The following NRXN1 variants were observed in gnomAD, a reference collection of about 807,000 sequenced individuals.
NRXN1 encodes the protein neurexin 1, also known as neurexin-1.
In NRXN1, 39 loss-of-function variants were observed where a neutral mutation model predicts 150.9. The ratio of observed to expected loss-of-function variants is 0.26; its 90% CI spans 0.20 to 0.34. The LOEUF (loss-of-function observed/expected upper bound fraction) is 0.34, where lower values mean the gene tolerates loss of function less well. Among genes scored for constraint, NRXN1 ranks in the 10% least tolerant of loss-of-function variants. NRXN1 has a pLI of 1.00. For synonymous variants in NRXN1, 924 were observed against 757.0 expected, an observed-to-expected ratio of 1.22 and a Z score of -3.62; for missense variants, 1,815 against 1,949.9, an observed-to-expected ratio of 0.93 and a Z score of 1.30.
chr2:50,176,984 G>A (rs1179786641), intron 18 of NRXN1, among the ~76,000 whole-genome samples: 2 of 151,966 alleles, frequency 1.3e-5, no homozygotes, highest in African/African-American at 2.4e-5. Context: ...AGAAACAGTG[G>A]GAAAAAAGAG....
At chr2:49,963,553 C>T (rs1180437980) in intron 21 of NRXN1, among the ~76,000 whole-genome samples, 1 of 152,112 alleles carries the variant, frequency 6.6e-6, no homozygotes, top group Non-Finnish European at 1.5e-5. Context: ...GAATGAATCA[C>T]GCAATGAGAT....
chr2:50,306,434 T>G (rs2074616029), intron 17 of NRXN1, among the ~76,000 whole-genome samples: 1 of 152,228 alleles, frequency 6.6e-6, no homozygotes, highest in Non-Finnish European at 1.5e-5. Context: ...TGTCTTTAAC[T>G]TAGCAAACAC....
intron 5 of NRXN1, among the ~76,000 whole-genome samples, chr2:50,757,489 G>T (rs1010464666): frequency 6.6e-5 from 10 of 151,778 alleles, no homozygotes; most frequent in African/African-American, 2.4e-4. Context: ...ATACTCATAT[G>T]AAAATATCCC....
chr2:50,674,047 T>C (rs1689209021), intron 5 of NRXN1, among the ~76,000 whole-genome samples: 2 of 152,010 alleles, frequency 1.3e-5, no homozygotes, highest in Non-Finnish European at 1.5e-5. Context: ...TGTATACCTA[T>C]GTAACAAACC....
intron 21 of NRXN1, among the ~76,000 whole-genome samples, chr2:50,049,725 G>A (rs1046436932): frequency 1.3e-5 from 2 of 152,058 alleles, no homozygotes; most frequent in African/African-American, 4.8e-5. Flanking sequence ...TCCTCTTCAT[G>A]TTGGCTTACA....
At chr2:49,935,781 A>G (rs888053103) in intron 22 of NRXN1, among the ~76,000 whole-genome samples, 3 of 152,220 alleles carry the variant, frequency 2.0e-5, no homozygotes, top group Admixed American at 6.5e-5. Context: ...TTTCATTATC[A>G]AAACAGGTAT....
chr2:50,826,073 A>G (rs1318388217), intron 5 of NRXN1, among the ~76,000 whole-genome samples: 1 of 152,198 alleles, frequency 6.6e-6, no homozygotes, highest in Non-Finnish European at 1.5e-5. Flanking sequence ...AAGAAAAACA[A>G]TATAGTTTCA....
intron 5 of NRXN1, chr2:50,633,053 A>C (rs966464693): frequency 6.6e-6 from 1 of 152,134 alleles, no homozygotes; most frequent in Non-Finnish European, 1.5e-5. Flanking sequence ...ATATTCTAAC[A>C]AGTCATCATT....
intron 18 of NRXN1, among the ~76,000 whole-genome samples, chr2:50,118,094 G>A (rs1703318666): frequency 6.6e-6 from 1 of 152,130 alleles, no homozygotes; most frequent in South Asian, 2.1e-4. Context: ...GTGTTTAGGA[G>A]AAAATACAAA....
At chr2:50,120,547 G>A (rs146607003) in intron 18 of NRXN1, among the ~76,000 whole-genome samples, 4 of 152,140 alleles carry the variant, frequency 2.6e-5, no homozygotes, top group African/African-American at 4.8e-5. Flanking sequence ...CAATGGAGAC[G>A]CATCTATCTA....
intron 18 of NRXN1, among the ~76,000 whole-genome samples, chr2:50,204,133 A>T (rs577618798): frequency 7.9e-5 from 12 of 152,256 alleles, no homozygotes; most frequent in African/African-American, 2.9e-4. Context: ...GTGAATAAGG[A>T]TCACAATAAC....
rs1692628262 is a variant in NRXN1 at position 50,695,123 on chromosome 2, C to T, written c.833-71508G>A. ...CACTGCTTAAGGGTGGCTTTGATTT[C>T]ACCAGTGCAGTAGGGAGACTATTTA... On this transcript the variant is annotated intron_variant, in intron 5 of 22. Transcript: ENST00000401669. 1.3e-5 allele frequency among the ~76,000 whole-genome samples: 2 copies of T among 151,194 alleles called. 1 individual carries two copies. Among genetic ancestry groups the T allele is most frequent in the South Asian group, 4.2e-4 (2 of 4,798 alleles).
intron 19 of NRXN1, among the ~76,000 whole-genome samples, chr2:50,072,567 T>A (rs1696450473): frequency 6.9e-6 from 1 of 144,084 alleles, no homozygotes; most frequent in Admixed American, 7.0e-5. Context: ...TGAGAGATTA[T>A]AATTAGTTTT....
intron 17 of NRXN1, among the ~76,000 whole-genome samples, chr2:50,428,500 G>T (rs1195078198): frequency 6.6e-6 from 1 of 152,180 alleles, no homozygotes; most frequent in African/African-American, 2.4e-5. Context: ...TTTAATTTAA[G>T]AACTTTTGTA....
chr2:50,828,776 C>T (rs1670924563), intron 5 of NRXN1, among the ~76,000 whole-genome samples: 3 of 150,928 alleles, frequency 2.0e-5, no homozygotes, highest in Admixed American at 2.0e-4. Flanking sequence ...CTCCTCATGT[C>T]CCAGACGATA....
intron 19 of NRXN1, among the ~76,000 whole-genome samples, chr2:50,078,763 CTTTCT>C (rs1697471029): frequency 6.6e-6 from 1 of 152,002 alleles, no homozygotes; most frequent in Non-Finnish European, 1.5e-5. Flanking sequence ...AGTGAAGAGC[CTTTCT>C]TAGCATGAAG....
In NRXN1 at chr2:50,620,918, G is replaced by GC. The variant is rs67879868; in HGVS notation, c.1158+307dup. On this transcript the variant is annotated intron_variant, in intron 7 of 22. Coordinates refer to ENST00000401669, the MANE Select transcript of NRXN1 (RefSeq NM_001330078.2). ...TCATGAATGGTTAGAGACTGGCTGA[G>GC]CTGCGGTCACTCGGGCCAGCCACCA... 1 allele frequency: 331,841 copies of GC among 331,846 alleles called. 165,918 individuals carry two copies. Among genetic ancestry groups the GC allele is most frequent in the Middle Eastern group, 1 (1,232 of 1,232 alleles). 20.6% of individuals were successfully genotyped at this position (331,846 alleles called of 1,614,324 possible).
rs1284740484 is a variant in NRXN1, at chr2:50,828,263, G to A, written c.832+93606C>T. On this transcript the variant is annotated intron_variant, in intron 5 of 22. Transcript: ENST00000401669. The stretch of plus-strand genomic sequence containing the variant: ...ACCTCCCGGACGGGGCGGCTGGCCG[G>A]GCGGGGGGCTGACCCCCCCCACCTC... Among the ~76,000 whole-genome samples, 4 of 149,422 alleles carry A rather than the reference G, an allele frequency of 2.7e-5. No individual in the cohort carries two copies. In the East Asian group the frequency reaches 8.3e-4, roughly 31 times the overall value.
chr2:50,942,870 G>A (rs1689691108), intron 2 of NRXN1, among the ~76,000 whole-genome samples: 1 of 152,138 alleles, frequency 6.6e-6, no homozygotes. Flanking sequence ...GTTTTGAAAT[G>A]TGAAAGAGAC....
Sources: allele counts gnomAD v4.1 joint callset (sites outside exome capture counted in the v4.1 genomes callset), GRCh38; gene constraint gnomAD v4.1.1; transcripts MANE v1.5; gene names NCBI Gene and HGNC (gene_info 2026-07-23, HGNC 2026-07-21).